The following PDE7B variants were observed in gnomAD, a reference collection of about 807,000 sequenced individuals.
The protein encoded by PDE7B is phosphodiesterase 7B.
PDE7B carries 29 observed loss-of-function variants against 56.2 expected under a neutral mutation model. That is an observed-to-expected ratio of 0.52 (90% CI 0.38 to 0.70). The LOEUF is 0.70. Among genes scored for constraint, PDE7B ranks in the 30% least tolerant of loss-of-function variants. PDE7B has a pLI of 0.00. For synonymous variants in PDE7B, 197 were observed against 196.9 expected (o/e 1.00, Z 0.00); for missense variants, 490 against 565.0 (o/e 0.87, Z 1.35).
intron 2 of PDE7B, among the ~76,000 whole-genome samples, chr6:135,952,957 G>T (rs1056278649): frequency 5.3e-5 from 8 of 152,132 alleles, no homozygotes; most frequent in Non-Finnish European, 1.2e-4. Context: ...GTACTGGGTA[G>T]TATTAAGTAC....
intron 1 of PDE7B, among the ~76,000 whole-genome samples, chr6:135,914,355 C>T (rs909888553): frequency 2.0e-5 from 3 of 151,584 alleles, no homozygotes; most frequent in Non-Finnish European, 2.9e-5. Context: ...CATTTTTTGT[C>T]GACCCCTGCC....
At chr6:136,003,597 T>A (rs1775715388) in intron 2 of PDE7B, among the ~76,000 whole-genome samples, 1 of 151,968 alleles carries the variant, frequency 6.6e-6, no homozygotes, top group African/African-American at 2.4e-5. Context: ...AACTAGAAAA[T>A]CTAGAAGAAA....
chr6:136,025,872 T>C (rs1261759174), intron 2 of PDE7B, among the ~76,000 whole-genome samples: 1 of 152,244 alleles, frequency 6.6e-6, no homozygotes, highest in Non-Finnish European at 1.5e-5. Flanking sequence ...CTCAGAAACA[T>C]TTAAAGCTCT....
intron 2 of PDE7B, among the ~76,000 whole-genome samples, chr6:135,954,497 T>C (rs1774754449): frequency 6.6e-6 from 1 of 152,284 alleles, no homozygotes; most frequent in African/African-American, 2.4e-5. Context: ...GAAAAAGTGG[T>C]TCCCTTCAAA....
At chr6:136,022,406 C>T (rs566312547) in intron 2 of PDE7B, among the ~76,000 whole-genome samples, 1 of 152,262 alleles carries the variant, frequency 6.6e-6, no homozygotes, top group African/African-American at 2.4e-5. Flanking sequence ...AATTCATTTG[C>T]CTGCCTTTAA....
rs1348055966 is a variant in PDE7B, at chr6:136,192,183, A to G, written c.*343A>G. On this transcript the variant is annotated 3_prime_UTR_variant, in exon 13 of 13. Coordinates refer to ENST00000308191, the MANE Select transcript of PDE7B (RefSeq NM_018945.4). ...CCGGGTCGCACTGGAACAGGCAGCA[A>G]TTCCTAAGTCCGGAGCGTTTGAGCG... is the stretch of plus-strand genomic sequence containing the variant. 2.1e-5 allele frequency: 7 copies of G among 330,328 alleles called. No individual in the cohort carries two copies. The highest frequency in any genetic ancestry group is 4.0e-5 in the Non-Finnish European group (7 of 174,338). 20.5% of individuals were successfully genotyped at this position (330,328 alleles called of 1,614,324 possible).
At chr6:135,960,873 A>G (rs1008453903) in intron 2 of PDE7B, among the ~76,000 whole-genome samples, 5 of 152,166 alleles carry the variant, frequency 3.3e-5, no homozygotes, top group Non-Finnish European at 7.4e-5. Context: ...ACTGTCTATG[A>G]GATTCATGCA....
intron 1 of PDE7B, among the ~76,000 whole-genome samples, chr6:135,892,234 T>G (rs922686039): frequency 3.3e-5 from 5 of 152,140 alleles, no homozygotes; most frequent in South Asian, 2.1e-4. Flanking sequence ...AATATATCTT[T>G]GGCTTATCCT....
chr6:136,109,293 T>G (rs921611174), intron 3 of PDE7B, among the ~76,000 whole-genome samples: 1 of 152,214 alleles, frequency 6.6e-6, no homozygotes, highest in Admixed American at 6.5e-5. Flanking sequence ...GAGCCAGGAT[T>G]GCACCACTGC....
chr6:136,173,671 G>A, intron 8 of PDE7B, 126 bp from the exon 9 acceptor site: 1 of 650,366 alleles, frequency 1.5e-6, no homozygotes. Flanking sequence ...TTTTTTCCTG[G>A]TCTGCCTCTG....
chr6:135,931,362 A>G (rs1225428744), intron 1 of PDE7B, among the ~76,000 whole-genome samples: 1 of 152,202 alleles, frequency 6.6e-6, no homozygotes, highest in East Asian at 1.9e-4. Flanking sequence ...GTTTGTATAG[A>G]TGACATTGAG....
chr6:135,997,758 G>A (rs1227094361), intron 2 of PDE7B, among the ~76,000 whole-genome samples: 1 of 152,096 alleles, frequency 6.6e-6, no homozygotes, highest in Non-Finnish European at 1.5e-5. Flanking sequence ...AAATGGAGAA[G>A]GAGAACACAA....
chr6:136,081,657 G>A (rs369048392), intron 2 of PDE7B, among the ~76,000 whole-genome samples: 22 of 152,268 alleles, frequency 1.4e-4, no homozygotes, highest in Middle Eastern at 3.4e-3. Flanking sequence ...GATAGGCAAA[G>A]AAATCTAAGA....
At chr6:136,009,168 G>A (rs536878010) in intron 2 of PDE7B, among the ~76,000 whole-genome samples, 36 of 151,708 alleles carry the variant, frequency 2.4e-4, no homozygotes, top group African/African-American at 8.2e-4. Context: ...TATTTCTGAG[G>A]GCTCTGTTCT....
intron 1 of PDE7B, among the ~76,000 whole-genome samples, chr6:135,899,331 C>T (rs978280214): frequency 6.6e-6 from 1 of 151,660 alleles, no homozygotes; most frequent in Non-Finnish European, 1.5e-5. Flanking sequence ...TGGGTAATGT[C>T]TATACATATG....
intron 1 of PDE7B, among the ~76,000 whole-genome samples, chr6:135,920,032 TAA>T (rs1774041772): frequency 6.6e-6 from 1 of 152,302 alleles, no homozygotes; most frequent in South Asian, 2.1e-4. Context: ...CTCCTGACCC[TAA>T]AAGGTTATAT....
intron 8 of PDE7B, chr6:136,165,665 C>T (rs763435696): frequency 2.6e-5 from 4 of 152,176 alleles, no homozygotes; most frequent in Admixed American, 6.5e-5. Context: ...TCAAACCATT[C>T]CTGCTGCATT....
intron 2 of PDE7B, chr6:136,043,895 A>T (rs931000522): frequency 6.6e-6 from 1 of 152,192 alleles, no homozygotes; most frequent in Non-Finnish European, 1.5e-5. Flanking sequence ...TCTACAGAGA[A>T]AATCCAGATT....
At chr6:135,908,162 C>T (rs1450152142) in intron 1 of PDE7B, among the ~76,000 whole-genome samples, 3 of 151,268 alleles carry the variant, frequency 2.0e-5, no homozygotes, top group Non-Finnish European at 2.9e-5. Flanking sequence ...GATCTTGGCT[C>T]ACTGCAACCT....
Sources: allele counts gnomAD v4.1 joint callset (sites outside exome capture counted in the v4.1 genomes callset), GRCh38; gene constraint gnomAD v4.1.1; transcripts MANE v1.5; gene names NCBI Gene and HGNC (gene_info 2026-07-23, HGNC 2026-07-21).